The following SNX24 variants were observed in gnomAD, a reference collection of about 807,000 sequenced individuals.
The protein encoded by SNX24 is sorting nexin-24.
A neutral mutation model predicts 28.7 loss-of-function variants in SNX24; 22 were observed. The ratio of observed to expected loss-of-function variants is 0.77; its 90% CI spans 0.55 to 1.10. The LOEUF (loss-of-function observed/expected upper bound fraction) is 1.10. Among genes scored for constraint, SNX24 ranks in the 50% least tolerant of loss-of-function variants. The probability of loss-of-function intolerance (pLI) is 0.00; values close to 1 mark genes in which losing one functional copy is unlikely to be tolerated. For missense variants in SNX24, 221 were observed against 201.1 expected (o/e 1.10, Z -0.60); for synonymous variants, 69 against 71.5 (o/e 0.96, Z 0.18).
intron 1 of SNX24, among the ~76,000 whole-genome samples, chr5:122,923,307 G>GCAGCCTGGGTGACAGAGTGAGACCC (rs1437514454): frequency 2.0e-5 from 3 of 151,090 alleles, no homozygotes; most frequent in African/African-American, 7.3e-5. Context: ...CCACTGCACT[G>GCAGCCTGGGTGACAGAGTGAGACCC]CAGCCTGGGT....
At chr5:123,013,454 G>A (rs1246618060), downstream of SNX24, among the ~76,000 whole-genome samples, 4 of 152,266 alleles carry the variant, frequency 2.6e-5, no homozygotes, top group Non-Finnish European at 2.9e-5. Context: ...ATTCAGCAGC[G>A]GAAACACAGG....
chr5:122,861,445 C>T lies in SNX24; in HGVS notation c.60+15752C>T, dbSNP rs77758608. ...AGGTCATTCCATCATTCTACCAAGC[C>T]AGCTGTTTCAGGATGATGGGGAATA... On this transcript the variant is annotated intron_variant, in intron 1 of 6. Transcript: ENST00000261369. Among the ~76,000 whole-genome samples the T allele has an allele frequency of 3.3e-4, 50 of 152,290 alleles. 1 individual carries two copies. The East Asian group carries it at 9.4e-3, about 29-fold the overall frequency.
At chr5:122,912,470 C>T (rs1470425364) in intron 1 of SNX24, among the ~76,000 whole-genome samples, 2 of 151,970 alleles carry the variant, frequency 1.3e-5, no homozygotes, top group African/African-American at 4.8e-5. Context: ...ATTTCCTTCT[C>T]CTGCCTCATT....
intron 1 of SNX24, among the ~76,000 whole-genome samples, chr5:122,926,343 A>C (rs1221389500): frequency 1.3e-5 from 2 of 152,154 alleles, no homozygotes; most frequent in Non-Finnish European, 2.9e-5. Flanking sequence ...GAGGATTGAA[A>C]AGGGCCACTT....
chr5:122,856,743 T>G (rs1755211492), intron 1 of SNX24, among the ~76,000 whole-genome samples: 1 of 152,064 alleles, frequency 6.6e-6, no homozygotes, highest in African/African-American at 2.4e-5. Context: ...TTTGAACTCC[T>G]GACCTCAAGT....
At chr5:122,929,218 G>A (rs556567902) in intron 1 of SNX24, among the ~76,000 whole-genome samples, 24 of 152,108 alleles carry the variant, frequency 1.6e-4, no homozygotes, top group East Asian at 5.8e-4. Context: ...AGCTGCTTCC[G>A]GCCTCTCACC....
chr5:122,881,328 A>G (rs1213928756), intron 1 of SNX24, among the ~76,000 whole-genome samples: 1 of 152,218 alleles, frequency 6.6e-6, no homozygotes, highest in Non-Finnish European at 1.5e-5. Context: ...ATACTTACTC[A>G]ACTTTCAGAA....
chr5:122,846,209 T>C (rs1754626758), intron 1 of SNX24, among the ~76,000 whole-genome samples: 2 of 152,162 alleles, frequency 1.3e-5, no homozygotes, highest in Admixed American at 1.3e-4. Context: ...TTTTGAGTTG[T>C]GCAGTTCCAT....
At position 122,904,524 on chromosome 5, in the gene SNX24, A is replaced by T. The variant is rs899973912; in HGVS notation, c.61-32210A>T. Among the ~76,000 whole-genome samples the T allele has an allele frequency of 2.6e-5, 4 of 151,912 alleles. No homozygotes were observed. In the South Asian group the frequency reaches 8.3e-4, roughly 32 times the overall value. On this transcript the variant is annotated intron_variant, in intron 1 of 6. Coordinates refer to ENST00000261369, the MANE Select transcript of SNX24 (RefSeq NM_014035.4). ...TTTCCTTTGTTTATATCTGGTCTTT[A>T]AAAAAAATTATTTTTTAATTATTTT...
intron 1 of SNX24, among the ~76,000 whole-genome samples, chr5:122,910,257 G>A (rs1757822590): frequency 1.3e-5 from 2 of 152,118 alleles, no homozygotes; most frequent in African/African-American, 2.4e-5. Context: ...GCTCTCCAAG[G>A]CTAATCCCTT....
intron 2 of SNX24, among the ~76,000 whole-genome samples, chr5:122,938,924 A>G (rs1581773873): frequency 1.2e-4 from 1 of 8,322 alleles, no homozygotes; most frequent in Non-Finnish European, 1.5e-4. Context: ...TGGGCGACAG[A>G]GCGAGACTCC....
intron 1 of SNX24, among the ~76,000 whole-genome samples, chr5:122,921,016 A>G (rs180767025): frequency 3.4e-4 from 52 of 152,256 alleles, no homozygotes; most frequent in African/African-American, 1.2e-3. Flanking sequence ...ATGAGCCACC[A>G]TGCCCAGCCA....
intron 5 of SNX24, among the ~76,000 whole-genome samples, chr5:123,018,572 G>A (rs1022934255): frequency 2.6e-5 from 4 of 152,142 alleles, no homozygotes; most frequent in Admixed American, 1.3e-4. Flanking sequence ...ACCTGAAAAC[G>A]TACCTGACTG....
At chr5:123,011,878 A>G (rs1388539202), downstream of SNX24, among the ~76,000 whole-genome samples, 1 of 152,218 alleles carries the variant, frequency 6.6e-6, no homozygotes, top group African/African-American at 2.4e-5. Flanking sequence ...GTATAATGAT[A>G]TGGTTTGGCT....
intron 1 of SNX24, among the ~76,000 whole-genome samples, chr5:122,896,910 A>G (rs1222771348): frequency 6.6e-6 from 1 of 152,238 alleles, no homozygotes; most frequent in African/African-American, 2.4e-5. Flanking sequence ...ACCACCAAAC[A>G]TAAATGCTTA....
intron 3 of SNX24, among the ~76,000 whole-genome samples, chr5:122,968,308 C>T (rs1414028722): frequency 6.6e-6 from 1 of 152,206 alleles, no homozygotes; most frequent in Admixed American, 6.5e-5. Flanking sequence ...GATCATGCCA[C>T]TGCACTTCAG....
intron 3 of SNX24, among the ~76,000 whole-genome samples, chr5:122,973,239 C>T (rs1322195077): frequency 2.0e-5 from 3 of 152,208 alleles, no homozygotes. Flanking sequence ...GACCATCAAG[C>T]CAAACCATTG....
intron 3 of SNX24, among the ~76,000 whole-genome samples, chr5:122,971,340 C>T (rs888449352): frequency 2.6e-5 from 4 of 152,146 alleles, no homozygotes; most frequent in African/African-American, 9.7e-5. Context: ...CTGCCTCTCC[C>T]AGTCCACTGA....
chr5:122,864,808 C>T (rs1312164791), intron 1 of SNX24, among the ~76,000 whole-genome samples: 2 of 152,218 alleles, frequency 1.3e-5, no homozygotes, highest in African/African-American at 4.8e-5. Context: ...CTGCATGACT[C>T]CTAAACCATA....
Sources: gnomAD v4.1 joint callset for allele counts (sites outside exome capture counted in the v4.1 genomes callset) on GRCh38, gnomAD v4.1.1 for gene constraint, MANE v1.5 for transcripts, NCBI Gene and HGNC (gene_info 2026-07-23, HGNC 2026-07-21) for gene names.